Variants in MAP2K3 observed in about 807,000 individuals in gnomAD.
MAP2K3 encodes dual specificity mitogen-activated protein kinase kinase 3.
In MAP2K3, 30 loss-of-function variants were observed where a neutral mutation model predicts 46.4. The ratio of observed to expected loss-of-function variants is 0.65; its 90% CI spans 0.48 to 0.88. The LOEUF (loss-of-function observed/expected upper bound fraction) is 0.88. Ranked by LOEUF, MAP2K3 falls within the 40% of genes least tolerant of loss-of-function variation. The probability of loss-of-function intolerance (pLI) is 0.00; values close to 1 mark genes in which losing one functional copy is unlikely to be tolerated. For synonymous variants in MAP2K3, 189 were observed against 176.3 expected (o/e 1.07, Z -0.57); for missense variants, 380 against 464.5 (o/e 0.82, Z 1.67).
chr17:21,306,505 GAC>G (rs1415002136), intron 9 of MAP2K3, among the ~76,000 whole-genome samples: 1 of 152,272 alleles, frequency 6.6e-6, no homozygotes, highest in Admixed American at 6.5e-5. Flanking sequence ...TGTTGTTTTT[GAC>G]ACAGAGTCTC....
chr17:21,288,229 C>A, intron 1 of MAP2K3: 1 of 579,512 alleles, frequency 1.7e-6, no homozygotes, highest in Non-Finnish European at 2.7e-6. Flanking sequence ...TAGCCCTGAG[C>A]TGGGGCACTG....
intron 1 of MAP2K3, chr17:21,296,313 GC>G: frequency 3.0e-6 from 2 of 671,004 alleles, no homozygotes; most frequent in Non-Finnish European, 4.6e-6. Context: ...CCACGGCTGC[GC>G]CACTCCAAGC....
chr17:21,310,739 CA>C (rs1977122519), intron 9 of MAP2K3, among the ~76,000 whole-genome samples: 1 of 152,280 alleles, frequency 6.6e-6, no homozygotes. Context: ...TCTCCGCCCC[CA>C]TGGTGGGGCC....
At chr17:21,295,691 G>C (rs924075847) in intron 1 of MAP2K3, 25 of 1,289,464 alleles carry the variant, frequency 1.9e-5, no homozygotes, top group Non-Finnish European at 2.5e-5. Context: ...GGATGCAGAG[G>C]CCAGTCCATA....
At chr17:21,298,973 G>T (rs188979506) in intron 3 of MAP2K3, 47 bp downstream of exon 3, 23 of 1,611,064 alleles carry the variant, frequency 1.4e-5, no homozygotes, top group Middle Eastern at 3.3e-4. Flanking sequence ...TTCACCTGAC[G>T]AGCGGGTAGA....
chr17:21,293,298 G>C (rs1387027236), intron 1 of MAP2K3, among the ~76,000 whole-genome samples: 1 of 152,294 alleles, frequency 6.6e-6, no homozygotes, highest in Non-Finnish European at 1.5e-5. Flanking sequence ...CTCTGCCCGG[G>C]GTCCTCCCGT....
chr17:21,291,157 TGGCATGAACCCGGGA>T (rs1337794994), intron 1 of MAP2K3, among the ~76,000 whole-genome samples: 1 of 152,254 alleles, frequency 6.6e-6, no homozygotes, highest in Admixed American at 6.5e-5. Context: ...GGCAGGAGAA[TGGCATGAACCCGGGA>T]GGCGGAGCTT....
At chr17:21,296,280 C>G in intron 1 of MAP2K3, 2 of 1,017,270 alleles carry the variant, frequency 2.0e-6, no homozygotes, top group South Asian at 2.6e-5. Flanking sequence ...GGCACCATGC[C>G]AGGGTCGCAG....
intron 1 of MAP2K3, among the ~76,000 whole-genome samples, chr17:21,292,762 C>T (rs984298211): frequency 1.3e-5 from 2 of 152,310 alleles, no homozygotes; most frequent in Admixed American, 6.5e-5. Flanking sequence ...GCTGGGATTA[C>T]AGGCGTGAGC....
Position 21,294,633 on chromosome 17 carries a change from T to A in MAP2K3, c.50-3780T>A, listed in dbSNP as rs1017869577. On this transcript the variant is annotated intron_variant, in intron 1 of 11. Transcript: ENST00000342679. ...TCTCTAAGTCACCTCTTCTCCCGCA[T>A]GCTTGATACAACAGATAAGTGAACC... 2.0e-5 allele frequency among the ~76,000 whole-genome samples: 3 copies of A among 152,300 alleles called. No homozygotes were observed. In the East Asian group the frequency reaches 5.8e-4, roughly 29 times the overall value.
At chr17:21,308,714 C>G (rs930327714) in intron 9 of MAP2K3, among the ~76,000 whole-genome samples, 11 of 152,184 alleles carry the variant, frequency 7.2e-5, no homozygotes, top group African/African-American at 2.7e-4. Flanking sequence ...CAAGTTCTTG[C>G]TGTATTTAGA....
At position 21,298,450 on chromosome 17, in the gene MAP2K3, C is replaced by T. The variant is rs761908122; in HGVS notation, c.87C>T (p.Cys29=). ...SKRKKDLRIS[C]MSKPPAPNPT... The stretch of plus-strand genomic sequence containing the variant: ...GGAAGAAGGATCTACGGATATCCTG[C>T]ATGTCCAAGCCACCCGCACCCAACC... Residue 29 remains cysteine, a synonymous_variant, in exon 2 of 12, where the codon TGC becomes TGT. Coordinates refer to ENST00000342679, the MANE Select transcript of MAP2K3 (RefSeq NM_145109.3). The T allele has an allele frequency of 6.2e-7, 1 of 1,614,196 alleles. No individual in the cohort carries two copies. The highest frequency in any genetic ancestry group is 8.5e-7 in the Non-Finnish European group (1 of 1,180,066).
intron 6 of MAP2K3, among the ~76,000 whole-genome samples, chr17:21,302,594 G>A (rs1254215644): frequency 8.5e-5 from 13 of 152,424 alleles, no homozygotes; most frequent in South Asian, 6.2e-4. Context: ...AAAATGCCCC[G>A]GGGCAGCTCA....
intron 1 of MAP2K3, chr17:21,288,162 G>A (rs1975777843): frequency 2.6e-6 from 3 of 1,174,116 alleles, no homozygotes; most frequent in Admixed American, 4.7e-5. Context: ...GCTTAAAGGG[G>A]CGATGCCTGC....
At chr17:21,298,371 G>C in intron 1 of MAP2K3, 42 bp from the exon 2 acceptor site, 1 of 1,613,956 alleles carries the variant, frequency 6.2e-7, no homozygotes, top group Non-Finnish European at 8.5e-7. Context: ...GGACATTGAT[G>C]TCAAGGGATA....
chr17:21,297,149 C>T (rs1976302476), intron 1 of MAP2K3, among the ~76,000 whole-genome samples: 1 of 152,312 alleles, frequency 6.6e-6, no homozygotes, highest in African/African-American at 2.4e-5. Context: ...CTTCGCCCTC[C>T]ATCTGGGCTG....
chr17:21,289,444 G>A (rs185434126), intron 1 of MAP2K3, among the ~76,000 whole-genome samples: 1 of 152,322 alleles, frequency 6.6e-6, no homozygotes, highest in Non-Finnish European at 1.5e-5. Context: ...GGGTGTTGGG[G>A]GGTGGTGGGC....
intron 9 of MAP2K3, among the ~76,000 whole-genome samples, chr17:21,305,992 G>T (rs1345635556): frequency 6.6e-6 from 1 of 152,300 alleles, no homozygotes; most frequent in East Asian, 1.9e-4. Flanking sequence ...TGGTGTTGGG[G>T]ATGAGGCCGT....
At chr17:21,286,638 CG>C (rs758085522) in intron 1 of MAP2K3, among the ~76,000 whole-genome samples, 13 of 152,168 alleles carry the variant, frequency 8.5e-5, no homozygotes, top group African/African-American at 1.2e-4. Context: ...CTGGAGAGCT[CG>C]GGGAAGGGTA....
Sources: gnomAD v4.1 joint callset for allele counts (sites outside exome capture counted in the v4.1 genomes callset) on GRCh38, gnomAD v4.1.1 for gene constraint, MANE v1.5 for transcripts, NCBI Gene and HGNC (gene_info 2026-07-23, HGNC 2026-07-21) for gene names.